ATP6V0A2: variants seen among roughly 807,000 people sequenced by gnomAD.
The protein encoded by ATP6V0A2 is ATPase H+ transporting V0 subunit a2.
ATP6V0A2 carries 58 observed loss-of-function variants against 104.4 expected under a neutral mutation model. The ratio of observed to expected loss-of-function variants is 0.56; its 90% confidence interval spans 0.45 to 0.69. ATP6V0A2 has a LOEUF of 0.69. Among genes scored for constraint, ATP6V0A2 ranks in the 30% least tolerant of loss-of-function variants. The probability of loss-of-function intolerance (pLI) is 0.00; values close to 1 mark genes in which losing one functional copy is unlikely to be tolerated. For missense variants in ATP6V0A2, 938 were observed against 1,062.9 expected (o/e 0.88, Z 1.63); for synonymous variants, 376 against 397.9 (o/e 0.95, Z 0.65).
chr12:123,757,390 G>A (rs1956775131), intron 19 of ATP6V0A2, among the ~76,000 whole-genome samples: 1 of 151,656 alleles, frequency 6.6e-6, no homozygotes, highest in Non-Finnish European at 1.5e-5. Flanking sequence ...GCAGTGAGCC[G>A]AGATCATGCC....
At chr12:123,713,941 G>A (rs1956316428) in intron 1 of ATP6V0A2, among the ~76,000 whole-genome samples, 2 of 152,172 alleles carry the variant, frequency 1.3e-5, no homozygotes, top group Non-Finnish European at 2.9e-5. Context: ...AGACTCCTGA[G>A]TGACAGGCGA....
intron 16 of ATP6V0A2, 34 bp downstream of exon 16, chr12:123,751,263 A>G (rs1956711652): frequency 6.2e-7 from 1 of 1,613,964 alleles, no homozygotes; most frequent in Non-Finnish European, 8.5e-7. Context: ...TACAACTGTG[A>G]GCAAAGCTTG....
At position 123,722,376 on chromosome 12, in the gene ATP6V0A2, A is replaced by T; in HGVS notation, c.222A>T (p.Arg74Ser). Residue 74 changes from arginine (R) to serine (S), a missense_variant, in exon 3 of 20, where the codon AGA (arginine) becomes AGT (serine). Transcript: ENST00000330342. ...ILVYLVQEIN[R>S]ADIPLPEGEA... The stretch of plus-strand genomic sequence containing the variant: ...TGTATTTGGTACAGGAAATTAATAG[A>T]GCTGATATTCCCCTTCCTGAAGGAG... 1 of 1,610,240 alleles carries T rather than the reference A, an allele frequency of 6.2e-7. No individual in the cohort carries two copies. Among genetic ancestry groups the T allele is most frequent in the Non-Finnish European group, 8.5e-7 (1 of 1,176,408 alleles).
chr12:123,712,695 C>T lies in ATP6V0A2; in HGVS notation c.117+13C>T, dbSNP rs1360394025. ...CCAGTTCCGAGACGTGAGTGTCGCC[C>T]GGGAGACGCGGGCCGCACCTGCTCT... On this transcript the variant is annotated intron_variant, in intron 1 of 19. Transcript: ENST00000330342. 10 of 1,599,100 alleles carry T rather than the reference C, an allele frequency of 6.3e-6. No individual in the cohort carries two copies. The highest frequency in any genetic ancestry group is 1.7e-4 in the Middle Eastern group (1 of 6,058).
rs1162275795 is a variant in ATP6V0A2, at chr12:123,744,187, C to T, written c.1190-14C>T. 6.2e-7 allele frequency: 1 copy of T among 1,613,970 alleles called. No homozygotes were observed. The highest frequency in any genetic ancestry group is 8.5e-7 in the Non-Finnish European group (1 of 1,180,020). ...TTGCTGTGAATCAGAAATCTCTTTCCCTTTTTTCTGCAGCTCTCTTTACCA... is the reference window on the plus strand; with the variant it reads ...TTGCTGTGAATCAGAAATCTCTTTCTCTTTTTTCTGCAGCTCTCTTTACCA... On this transcript the variant is annotated splice_polypyrimidine_tract_variant and intron_variant, in intron 10 of 19. Transcript: ENST00000330342. This position sits in a 1 kb window ranked among gnomAD's most constrained non-coding sequence, Gnocchi z 5.4.
chr12:123,722,285 A>G (rs1956407007), intron 2 of ATP6V0A2, 66 bp from the exon 3 acceptor site: 3 of 1,050,396 alleles, frequency 2.9e-6, no homozygotes, highest in Non-Finnish European at 4.5e-6. Flanking sequence ...GGGCTTTAAA[A>G]TGTTTCTGAC....
intron 1 of ATP6V0A2, among the ~76,000 whole-genome samples, chr12:123,713,244 A>C (rs1956309406): frequency 6.6e-6 from 1 of 151,828 alleles, no homozygotes; most frequent in Non-Finnish European, 1.5e-5. Flanking sequence ...GCCCAGACAG[A>C]GCCAGAAATG....
At position 123,712,647 on chromosome 12, in the gene ATP6V0A2, G is replaced by T. The variant is rs1231152397; in HGVS notation, c.82G>T (p.Ala28Ser). 1.2e-6 allele frequency: 2 copies of T among 1,609,590 alleles called. No individual in the cohort carries two copies. Among genetic ancestry groups the T allele is most frequent in the Admixed American group, 1.7e-5 (1 of 59,694 alleles). ...GGGCACGGCCTACGAGTGCCTCAGC[G>T]CCCTGGGCGAGAAAGGCCTGGTCCA... ...QSGTAYECLS[A>S]LGEKGLVQFR... The change falls in exon 1 of 20, where the codon GCC becomes TCC. Residue 28 changes from alanine (A) to serine (S), a missense_variant. Coordinates refer to ENST00000330342, the MANE Select transcript of ATP6V0A2 (RefSeq NM_012463.4).
At position 123,724,800 on chromosome 12, in the gene ATP6V0A2, C is replaced by G. The variant is rs773435544; in HGVS notation, c.432+9C>G. 2 of 1,612,962 alleles carry G rather than the reference C, an allele frequency of 1.2e-6. No individual in the cohort carries two copies. Among genetic ancestry groups the G allele is most frequent in the South Asian group, 2.2e-5 (2 of 91,058 alleles). The stretch of plus-strand genomic sequence containing the variant: ...TGAAACGCAATGTTGAGGTACTGAA[C>G]AGCTCGTGAGGAAATACAGCTGTTT... On this transcript the variant is annotated intron_variant, in intron 4 of 19. Transcript: ENST00000330342.
At chr12:123,753,753 T>G (rs901436898) in intron 17 of ATP6V0A2, among the ~76,000 whole-genome samples, 1 of 152,262 alleles carries the variant, frequency 6.6e-6, no homozygotes, top group Non-Finnish European at 1.5e-5. Context: ...GAGCATGGCC[T>G]CCTTTCTTTT....
At chr12:123,741,958 G>T (rs1956613525) in intron 9 of ATP6V0A2, among the ~76,000 whole-genome samples, 1 of 152,048 alleles carries the variant, frequency 6.6e-6, no homozygotes, top group African/African-American at 2.4e-5. Context: ...TCGGGTCCTG[G>T]ATCTGAGATG....
chr12:123,721,408 TC>T (rs1956398147), intron 2 of ATP6V0A2: 2 of 154,120 alleles, frequency 1.3e-5, no homozygotes, highest in Admixed American at 1.3e-4. Context: ...GGGCATGAGG[TC>T]ATTATAGTTA....
chr12:123,736,955 T>A (rs1956560049), intron 8 of ATP6V0A2, 104 bp from the exon 9 acceptor site: 1 of 1,131,964 alleles, frequency 8.8e-7, no homozygotes. Context: ...CCTGGAATGA[T>A]CCTCTGTCAA....
At chr12:123,726,503 T>A (rs1956450373) in intron 5 of ATP6V0A2, among the ~76,000 whole-genome samples, 1 of 152,222 alleles carries the variant, frequency 6.6e-6, no homozygotes, top group South Asian at 2.1e-4. Context: ...TTTCTTTTGG[T>A]ATAATGAGCT....
At chr12:123,755,576 T>C (rs1956755515) in intron 18 of ATP6V0A2, among the ~76,000 whole-genome samples, 1 of 148,070 alleles carries the variant, frequency 6.8e-6, no homozygotes, top group African/African-American at 2.5e-5. Context: ...AATAGGACAA[T>C]TTGGCAAGTA....
intron 6 of ATP6V0A2, chr12:123,733,598 A>G (rs1566280843): frequency 5.6e-6 from 2 of 357,858 alleles, no homozygotes; most frequent in East Asian, 6.5e-5. Flanking sequence ...AAAACATGAT[A>G]CCAAACAGAC....
chr12:123,752,788 C>T (rs1484367938), intron 17 of ATP6V0A2, among the ~76,000 whole-genome samples: 1 of 152,132 alleles, frequency 6.6e-6, no homozygotes, highest in Non-Finnish European at 1.5e-5. Context: ...CATGGCAGGA[C>T]AGAGGTAGAG....
At position 123,748,560 on chromosome 12, in the gene ATP6V0A2, C is replaced by A. The variant is rs1295491621; in HGVS notation, c.1725-15C>A. On this transcript the variant is annotated splice_polypyrimidine_tract_variant and intron_variant, in intron 14 of 19. Transcript: ENST00000330342. ...GATCTTGTTCGTGGGTTGATTGATT[C>A]CTTTTCTTTCCTAGGCACTTCAGGA... is the stretch of plus-strand genomic sequence containing the variant. The A allele has an allele frequency of 3.1e-6, 5 of 1,596,934 alleles. No individual in the cohort carries two copies. In the African/African-American group the frequency reaches 5.4e-5, roughly 17 times the overall value.
chr12:123,758,262 G>C lies in ATP6V0A2; in HGVS notation c.*230G>C, dbSNP rs984866544. ...GGTTTTTTATGATGAGCAAATATAA[G>C]TTAATGCCAAACGTTATGTTAAAGT... is the stretch of plus-strand genomic sequence containing the variant. On this transcript the variant is annotated 3_prime_UTR_variant, in exon 20 of 20. Transcript: ENST00000330342. 18 of 418,156 alleles carry C rather than the reference G, an allele frequency of 4.3e-5. No individual in the cohort carries two copies. The highest frequency in any genetic ancestry group is 3.5e-4 in the African/African-American group (17 of 48,660). 25.9% of individuals were successfully genotyped at this position (418,156 alleles called of 1,614,324 possible).
Sources: allele counts gnomAD v4.1 joint callset (sites outside exome capture counted in the v4.1 genomes callset), GRCh38; gene constraint gnomAD v4.1.1; non-coding constraint Gnocchi (gnomAD v3.1); transcripts MANE v1.5; gene names NCBI Gene and HGNC (gene_info 2026-07-23, HGNC 2026-07-21).